MAN1B1: variants seen among roughly 807,000 people sequenced by gnomAD.
MAN1B1 encodes endoplasmic reticulum mannosyl-oligosaccharide 1,2-alpha-mannosidase.
MAN1B1 carries 66 observed loss-of-function variants against 75.5 expected under a neutral mutation model. The observed-to-expected ratio is 0.87, with a 90% CI of 0.72 to 1.07. The LOEUF (loss-of-function observed/expected upper bound fraction) is 1.07. Among genes scored for constraint, MAN1B1 ranks in the 50% least tolerant of loss-of-function variants. MAN1B1 has a pLI of 0.00. For missense variants in MAN1B1, 973 were observed against 912.5 expected (o/e 1.07, Z -0.85); for synonymous variants, 453 against 382.8 (o/e 1.18, Z -2.14).
rs182106908 is a variant in MAN1B1, at chr9:137,097,972, G to A, written c.730+35G>A. ...CACCTGCACCCCTTCCTCCCCGGGC[G>A]CTCAGGGGCTGGTGGCTGATGGGTG... On this transcript the variant is annotated intron_variant, in intron 5 of 12. Coordinates refer to ENST00000371589, the MANE Select transcript of MAN1B1 (RefSeq NM_016219.5). The A allele has an allele frequency of 2.0e-3, 2,961 of 1,484,466 alleles. 9 individuals are homozygous for A. Among genetic ancestry groups the A allele is most frequent in the Middle Eastern group, 6.3e-3 (34 of 5,374 alleles). 92.0% of individuals were successfully genotyped at this position (1,484,466 alleles called of 1,614,324 possible).
At chr9:137,100,835 G>A (rs1005474208) in intron 6 of MAN1B1, among the ~76,000 whole-genome samples, 170 bp from the exon 7 acceptor site, 1 of 152,182 alleles carries the variant, frequency 6.6e-6, no homozygotes, top group African/African-American at 2.4e-5. Context: ...GTCCAGGCTG[G>A]TCTCTAACTC....
chr9:137,106,186 T>A lies in MAN1B1; in HGVS notation c.1316T>A (p.Val439Glu), dbSNP rs1831092546. The A allele has an allele frequency of 6.2e-7, 1 of 1,612,408 alleles. No individual in the cohort carries two copies. The highest frequency in any genetic ancestry group is 1.3e-5 in the African/African-American group (1 of 74,938). Residue 439 changes from valine (V) to glutamate (E), a missense_variant, in exon 9 of 13, where the codon GTG (valine) becomes GAG (glutamate). Transcript: ENST00000371589. Reference protein sequence around the residue: ...HGLSGKKDGLVPMFINTHSGL... With the variant: ...HGLSGKKDGLEPMFINTHSGL... The stretch of plus-strand genomic sequence containing the variant: ...CTGTCTGGGAAGAAGGATGGGCTGG[T>A]GCCCATGTTCATCAATACCCACAGT...
chr9:137,106,054 A>AG, intron 8 of MAN1B1, 71 bp from the exon 9 acceptor site: 1 of 1,247,606 alleles, frequency 8.0e-7, no homozygotes, highest in Non-Finnish European at 1.2e-6. Flanking sequence ...CAGAGCTCAC[A>AG]GAGCCCCTCT....
intron 10 of MAN1B1, 74 bp from the exon 11 acceptor site, chr9:137,107,176 C>T (rs549700330): frequency 3.0e-5 from 45 of 1,513,870 alleles, no homozygotes; most frequent in South Asian, 5.9e-5. Flanking sequence ...TGGGCTCCCA[C>T]GTTGGCTGCC....
rs1830422115 is a variant in MAN1B1, at chr9:137,088,070, C to T, written c.220-5C>T. 4 of 1,611,028 alleles carry T rather than the reference C, an allele frequency of 2.5e-6. No homozygotes were observed. In the African/African-American group the frequency reaches 4.0e-5, roughly 16 times the overall value. On this transcript the variant is annotated splice_region_variant and splice_polypyrimidine_tract_variant and intron_variant, in intron 1 of 12. Coordinates refer to ENST00000371589, the MANE Select transcript of MAN1B1 (RefSeq NM_016219.5). ...AAGAAATGTCATTCTCTGTACCTCC[C>T]TTAGAAATGGAAGCAACTGTCGAGA...
chr9:137,087,294 G>A, intron 1 of MAN1B1, 76 bp downstream of exon 1: 3 of 1,487,832 alleles, frequency 2.0e-6, no homozygotes, highest in Non-Finnish European at 2.7e-6. Flanking sequence ...CTCCGAGCGG[G>A]ACCTGGGCGG....
intron 6 of MAN1B1, among the ~76,000 whole-genome samples, chr9:137,100,739 C>T (rs1188637370): frequency 2.6e-5 from 4 of 152,056 alleles, no homozygotes; most frequent in African/African-American, 7.3e-5. Flanking sequence ...CATGCCTCAC[C>T]CTCCCCAGTA....
intron 2 of MAN1B1, 59 bp from the exon 3 acceptor site, chr9:137,088,810 G>A (rs2130987704): frequency 6.3e-7 from 1 of 1,596,252 alleles, no homozygotes; most frequent in Non-Finnish European, 8.6e-7. Context: ...TTATAAAGCA[G>A]TTTAAATCTC....
At position 137,097,957 on chromosome 9, in the gene MAN1B1, C is replaced by T. The variant is rs1354376852; in HGVS notation, c.730+20C>T. 2 of 1,531,068 alleles carry T rather than the reference C, an allele frequency of 1.3e-6. No individual in the cohort carries two copies. Among genetic ancestry groups the T allele is most frequent in the Non-Finnish European group, 1.8e-6 (2 of 1,129,318 alleles). 94.8% of individuals were successfully genotyped at this position (1,531,068 alleles called of 1,614,324 possible). Reference sequence around the variant, plus strand: ...CACCAGGTGAGGCCACACCTGCACCCCTTCCTCCCCGGGCGCTCAGGGGCT... The same window carrying T: ...CACCAGGTGAGGCCACACCTGCACCTCTTCCTCCCCGGGCGCTCAGGGGCT... On this transcript the variant is annotated intron_variant, in intron 5 of 12. Coordinates refer to ENST00000371589, the MANE Select transcript of MAN1B1 (RefSeq NM_016219.5).
chr9:137,096,123 A>C (rs1830643926), intron 3 of MAN1B1, 114 bp from the exon 4 acceptor site: 1 of 1,108,946 alleles, frequency 9.0e-7, no homozygotes. Flanking sequence ...ATTTAGTCAG[A>C]GGTCAGAAGC....
chr9:137,099,744 C>G lies in MAN1B1; in HGVS notation c.779C>G (p.Ala260Gly), dbSNP rs772286895. The G allele has an allele frequency of 6.2e-7, 1 of 1,614,130 alleles. No homozygotes were observed. Among genetic ancestry groups the G allele is most frequent in the Non-Finnish European group, 8.5e-7 (1 of 1,180,058 alleles). Residue 260 changes from alanine (A) to glycine (G), a missense_variant, in exon 6 of 13, where the codon GCA (alanine) becomes GGA (glycine). Coordinates refer to ENST00000371589, the MANE Select transcript of MAN1B1 (RefSeq NM_016219.5). ...QKGVIDVFLH[A>G]WKGYRKFAWG... ...GGCGTGATTGACGTCTTCCTGCATG[C>G]ATGGAAAGGATACCGCAAGTTTGCA...
At chr9:137,100,048 C>T (rs922302842) in intron 6 of MAN1B1, among the ~76,000 whole-genome samples, 167 bp downstream of exon 6, 10 of 152,212 alleles carry the variant, frequency 6.6e-5, no homozygotes, top group Admixed American at 6.5e-4. Context: ...AGTTCCTGTT[C>T]TTGTCCAGCC....
rs747968995 is a variant in MAN1B1 at position 137,097,955 on chromosome 9, C to T, written c.730+18C>T. 6.5e-6 allele frequency: 10 copies of T among 1,528,036 alleles called. No individual in the cohort carries two copies. In the South Asian group the frequency reaches 1.1e-4, roughly 16 times the overall value. The allele number at this position is 1,528,036 out of a possible 1,614,324, so 94.7% of individuals were successfully genotyped here. On this transcript the variant is annotated intron_variant, in intron 5 of 12. Coordinates refer to ENST00000371589, the MANE Select transcript of MAN1B1 (RefSeq NM_016219.5). ...CACACCAGGTGAGGCCACACCTGCA[C>T]CCCTTCCTCCCCGGGCGCTCAGGGG...
At position 137,088,902 on chromosome 9, in the gene MAN1B1, TGAG is replaced by T; in HGVS notation, c.364_366del (p.Arg122del). The T allele has an allele frequency of 6.2e-7, 1 of 1,613,992 alleles. No homozygotes were observed. The highest frequency in any genetic ancestry group is 8.5e-7 in the Non-Finnish European group (1 of 1,180,034). On this transcript the variant is annotated inframe_deletion, in exon 3 of 13. Coordinates refer to ENST00000371589, the MANE Select transcript of MAN1B1 (RefSeq NM_016219.5). ...TTCAGGCTAGAGGAAGAGCAGAAGA[TGAG>T]GCCAGAAATTGCTGGGTTAAAACCA...
intron 3 of MAN1B1, 106 bp downstream of exon 3, chr9:137,089,111 G>A (rs777562916): frequency 1.6e-4 from 223 of 1,366,880 alleles, no homozygotes; most frequent in Non-Finnish European, 2.3e-4. Context: ...TTATTACCAC[G>A]TGTTTACCTC....
At chr9:137,099,555 C>T in intron 5 of MAN1B1, 141 bp from the exon 6 acceptor site, 1 of 882,976 alleles carries the variant, frequency 1.1e-6, no homozygotes, top group South Asian at 1.4e-5. Flanking sequence ...TTGCTGTGCC[C>T]ACCACCGCCC....
intron 10 of MAN1B1, among the ~76,000 whole-genome samples, 192 bp downstream of exon 10, chr9:137,107,001 G>T (rs143312713): frequency 1.3e-5 from 2 of 152,242 alleles, no homozygotes; most frequent in African/African-American, 4.8e-5. Context: ...CCTGGGGTGG[G>T]CAGGGCTTCC....
rs1236319845 is a variant in MAN1B1 at position 137,099,769 on chromosome 9, A to G, written c.804A>G (p.Ala268=). ...LHAWKGYRKF[A]WGHDELKPVS... is the part of the protein sequence containing the mutation. ...CATGGAAAGGATACCGCAAGTTTGCATGGGGCCATGACGAGCTGAAGCCTG... is the reference window on the plus strand; with the variant it reads ...CATGGAAAGGATACCGCAAGTTTGCGTGGGGCCATGACGAGCTGAAGCCTG... The change falls in exon 6 of 13, where the codon GCA becomes GCG. Residue 268 remains alanine, a synonymous_variant. Coordinates refer to ENST00000371589, the MANE Select transcript of MAN1B1 (RefSeq NM_016219.5). 1 of 1,614,212 alleles carries G rather than the reference A, an allele frequency of 6.2e-7. No individual in the cohort carries two copies. The highest frequency in any genetic ancestry group is 1.3e-5 in the African/African-American group (1 of 75,064).
intron 8 of MAN1B1, chr9:137,102,881 C>T (rs1830912353): frequency 4.0e-5 from 17 of 420,838 alleles, no homozygotes; most frequent in Non-Finnish European, 7.4e-5. Flanking sequence ...TACATTCATG[C>T]TGTTGCAGGC....
Sources: allele counts gnomAD v4.1 joint callset (sites outside exome capture counted in the v4.1 genomes callset), GRCh38; gene constraint gnomAD v4.1.1; transcripts MANE v1.5; gene names NCBI Gene and HGNC (gene_info 2026-07-23, HGNC 2026-07-21).